CAMK1D: variants seen among roughly 807,000 people sequenced by gnomAD.
The protein encoded by CAMK1D is calcium/calmodulin-dependent protein kinase type 1D.
In CAMK1D, 9 loss-of-function variants were observed where a neutral mutation model predicts 47.7. The ratio of observed to expected loss-of-function variants is 0.19; its 90% CI spans 0.11 to 0.33. CAMK1D has a LOEUF of 0.33. CAMK1D is among the 10% of genes least tolerant of loss of function. CAMK1D has a pLI of 1.00. For missense variants in CAMK1D, 291 were observed against 488.7 expected (o/e 0.60, Z 3.81); for synonymous variants, 184 against 184.9 (o/e 0.99, Z 0.04).
chr10:12,515,421 T>TC (rs1372384651), intron 1 of CAMK1D, among the ~76,000 whole-genome samples: 1 of 133,180 alleles, frequency 7.5e-6, no homozygotes, highest in Non-Finnish European at 1.6e-5. Context: ...TTTTTTTCTT[T>TC]TTTTTTTTCA....
chr10:12,694,189 AATATATATTATATATTATG>A (rs1564498398), intron 3 of CAMK1D, among the ~76,000 whole-genome samples: 2 of 40,708 alleles, frequency 4.9e-5, no homozygotes, highest in Non-Finnish European at 8.2e-5. Context: ...TATATAATAT[AATATATATTATATATTATG>A]TATAATATAA....
chr10:12,408,019 A>G (rs1260297466), intron 1 of CAMK1D, among the ~76,000 whole-genome samples: 1 of 151,832 alleles, frequency 6.6e-6, no homozygotes, highest in Non-Finnish European at 1.5e-5. Context: ...CACCACGCCC[A>G]GCTAATTTTT....
intron 2 of CAMK1D, among the ~76,000 whole-genome samples, chr10:12,620,541 G>A (rs1297126465): frequency 6.6e-6 from 1 of 152,176 alleles, no homozygotes; most frequent in Non-Finnish European, 1.5e-5. Flanking sequence ...ATCTTTCTAT[G>A]GGCCTACTTG....
chr10:12,355,673 G>T (rs752112649), intron 1 of CAMK1D, among the ~76,000 whole-genome samples: 54 of 152,156 alleles, frequency 3.5e-4, no homozygotes, highest in Non-Finnish European at 5.0e-4. Context: ...CTCCCCGAGG[G>T]TATCCCCGCT....
At chr10:12,427,217 A>G (rs1840264334) in intron 1 of CAMK1D, among the ~76,000 whole-genome samples, 1 of 152,162 alleles carries the variant, frequency 6.6e-6, no homozygotes, top group African/African-American at 2.4e-5. Flanking sequence ...GAAGATGAAG[A>G]TACTTTGATG....
intron 1 of CAMK1D, among the ~76,000 whole-genome samples, chr10:12,432,465 TAATA>T (rs1284320323): frequency 3.9e-5 from 3 of 77,806 alleles, no homozygotes; most frequent in East Asian, 3.8e-4. Flanking sequence ...ATGAATGAAT[TAATA>T]AATAAATCAA....
At chr10:12,421,148 G>A (rs939172245) in intron 1 of CAMK1D, among the ~76,000 whole-genome samples, 17 of 152,158 alleles carry the variant, frequency 1.1e-4, no homozygotes, top group Non-Finnish European at 2.2e-4. Context: ...AAGACTAGGC[G>A]GGTGTAAGCT....
intron 3 of CAMK1D, among the ~76,000 whole-genome samples, chr10:12,734,964 ATACT>A (rs1367480697): frequency 1.3e-5 from 2 of 152,208 alleles, no homozygotes; most frequent in Non-Finnish European, 2.9e-5. Flanking sequence ...AAAATGGTAA[ATACT>A]TACTTGTTTC....
At chr10:12,680,690 T>G (rs1840962534) in intron 3 of CAMK1D, among the ~76,000 whole-genome samples, 1 of 152,140 alleles carries the variant, frequency 6.6e-6, no homozygotes, top group South Asian at 2.1e-4. Flanking sequence ...GCTGGGATTA[T>G]TGAAAGGCTC....
At chr10:12,581,223 C>A (rs370678421) in intron 2 of CAMK1D, among the ~76,000 whole-genome samples, 9 of 152,310 alleles carry the variant, frequency 5.9e-5, no homozygotes, top group African/African-American at 2.2e-4. Context: ...TTATTTCATT[C>A]CTTTTTATGG....
intron 1 of CAMK1D, among the ~76,000 whole-genome samples, chr10:12,460,190 C>T (rs1833380519): frequency 6.6e-6 from 1 of 151,926 alleles, no homozygotes; most frequent in African/African-American, 2.4e-5. Flanking sequence ...AGCAGACATC[C>T]TCTGTCATTT....
chr10:12,728,652 C>T, intron 3 of CAMK1D, among the ~76,000 whole-genome samples: 1 of 152,212 alleles, frequency 6.6e-6, no homozygotes, highest in East Asian at 1.9e-4. Context: ...GCGCTGTGGA[C>T]AGCTGCGTTA....
chr10:12,746,404 C>T (rs1835683731), intron 3 of CAMK1D, among the ~76,000 whole-genome samples: 1 of 151,250 alleles, frequency 6.6e-6, no homozygotes, highest in African/African-American at 2.4e-5. Flanking sequence ...AATCTGTCCA[C>T]TTGAGGCTAA....
At chr10:12,391,741 C>G (rs1016279681) in intron 1 of CAMK1D, among the ~76,000 whole-genome samples, 3 of 152,160 alleles carry the variant, frequency 2.0e-5, no homozygotes, top group East Asian at 1.9e-4. Context: ...GTGCCATATA[C>G]AGTGCACTGT....
intron 1 of CAMK1D, among the ~76,000 whole-genome samples, chr10:12,479,337 C>T (rs1285056503): frequency 6.6e-6 from 1 of 152,054 alleles, no homozygotes; most frequent in African/African-American, 2.4e-5. Context: ...GCTGGGATTG[C>T]AGGTGCGCAC....
At chr10:12,488,362 G>T (rs763564061) in intron 1 of CAMK1D, among the ~76,000 whole-genome samples, 37 of 152,008 alleles carry the variant, frequency 2.4e-4, no homozygotes, top group Non-Finnish European at 4.7e-4. Context: ...AAAATGAGGG[G>T]TTGATTCCAT....
intron 1 of CAMK1D, among the ~76,000 whole-genome samples, chr10:12,477,769 G>A (rs553110570): frequency 2.0e-5 from 3 of 152,134 alleles, no homozygotes; most frequent in Non-Finnish European, 4.4e-5. Flanking sequence ...TCACCTGTGC[G>A]ATGCCAGAGG....
At chr10:12,712,532 C>T (rs967268970) in intron 3 of CAMK1D, among the ~76,000 whole-genome samples, 3 of 152,174 alleles carry the variant, frequency 2.0e-5, no homozygotes, top group Non-Finnish European at 4.4e-5. Flanking sequence ...GGTGAGGGCT[C>T]TCTTCCTGGT....
chr10:12,747,008 T>G (rs954173946), intron 3 of CAMK1D, among the ~76,000 whole-genome samples: 2 of 150,666 alleles, frequency 1.3e-5, no homozygotes, highest in Non-Finnish European at 3.0e-5. Context: ...AAGAGTTGTT[T>G]TTTTTTTAAT....
Sources: gnomAD v4.1 joint callset for allele counts (sites outside exome capture counted in the v4.1 genomes callset) on GRCh38, gnomAD v4.1.1 for gene constraint, MANE v1.5 for transcripts, NCBI Gene and HGNC (gene_info 2026-07-23, HGNC 2026-07-21) for gene names.